Variants in TSNARE1 observed in about 807,000 individuals in gnomAD.
The protein encoded by TSNARE1 is t-SNARE domain-containing protein 1.
TSNARE1 carries 49 observed loss-of-function variants against 62.0 expected under a neutral mutation model. The observed-to-expected ratio is 0.79, with a 90% CI of 0.63 to 1.00. The LOEUF is 1.00. Among genes scored for constraint, TSNARE1 ranks in the 50% least tolerant of loss-of-function variants. TSNARE1 has a pLI of 0.00. For missense variants in TSNARE1, 755 were observed against 700.1 expected (o/e 1.08, Z -0.88); for synonymous variants, 328 against 294.4 (o/e 1.11, Z -1.17).
intron 13 of TSNARE1, among the ~76,000 whole-genome samples, chr8:142,222,121 T>G: frequency 9.3e-6 from 1 of 107,438 alleles, no homozygotes; most frequent in Non-Finnish European, 1.9e-5. Context: ...CATCCACTCA[T>G]TCACTCACTC....
intron 12 of TSNARE1, among the ~76,000 whole-genome samples, chr8:142,272,200 C>A (rs1017270012): frequency 1.3e-5 from 2 of 152,040 alleles, no homozygotes; most frequent in Non-Finnish European, 2.9e-5. Flanking sequence ...GTCTGTCCAT[C>A]CACCCAGCCA....
intron 13 of TSNARE1, among the ~76,000 whole-genome samples, chr8:142,223,313 C>CTCATTCACTCAT (rs1248245417): frequency 1.6e-5 from 1 of 62,800 alleles, no homozygotes; most frequent in Non-Finnish European, 3.7e-5. Flanking sequence ...CACTCATTCA[C>CTCATTCACTCAT]TCACTCATTC....
At chr8:142,310,971 C>A (rs1019547730) in intron 9 of TSNARE1, among the ~76,000 whole-genome samples, 1 of 152,058 alleles carries the variant, frequency 6.6e-6, no homozygotes, top group Non-Finnish European at 1.5e-5. Flanking sequence ...GCCTCAGCCT[C>A]CTGAGTAGCT....
chr8:142,325,454 C>A (rs1830062926), intron 6 of TSNARE1, among the ~76,000 whole-genome samples: 1 of 152,162 alleles, frequency 6.6e-6, no homozygotes, highest in Non-Finnish European at 1.5e-5. Context: ...GGAGACAGTG[C>A]AGGAGCCCAG....
chr8:142,365,896 A>C (rs1835514978), intron 1 of TSNARE1: 2 of 451,908 alleles, frequency 4.4e-6, no homozygotes, highest in Non-Finnish European at 8.9e-6. Context: ...CATGTAAATG[A>C]GTGAAGAGAC....
chr8:142,350,100 G>A (rs1373364511), intron 2 of TSNARE1, among the ~76,000 whole-genome samples: 2 of 119,842 alleles, frequency 1.7e-5, no homozygotes, highest in Non-Finnish European at 3.4e-5. Flanking sequence ...GGGCAGGCAG[G>A]GCAGGCAGGG....
intron 13 of TSNARE1, among the ~76,000 whole-genome samples, chr8:142,217,629 G>A (rs1255808477): frequency 9.2e-5 from 14 of 152,266 alleles, no homozygotes; most frequent in Non-Finnish European, 8.8e-5. Context: ...GGGAAACAGT[G>A]TGCATGCACC....
intron 1 of TSNARE1, among the ~76,000 whole-genome samples, chr8:142,380,275 G>A (rs1836640755): frequency 6.6e-6 from 1 of 152,208 alleles, no homozygotes; most frequent in Non-Finnish European, 1.5e-5. Context: ...TCCGCAGATG[G>A]ATGCAGAGCC....
intron 13 of TSNARE1, among the ~76,000 whole-genome samples, chr8:142,219,567 G>A (rs1816105398): frequency 6.6e-6 from 1 of 152,224 alleles, no homozygotes; most frequent in Non-Finnish European, 1.5e-5. Flanking sequence ...CCACAGGGAT[G>A]AGGTCTCCTG....
chr8:142,384,461 G>A (rs886536732), intron 1 of TSNARE1, among the ~76,000 whole-genome samples: 2 of 152,198 alleles, frequency 1.3e-5, no homozygotes, highest in African/African-American at 4.8e-5. Flanking sequence ...AAACAGTATG[G>A]TAGGGCATGA....
intron 10 of TSNARE1, among the ~76,000 whole-genome samples, chr8:142,289,373 G>T (rs1295542215): frequency 6.6e-6 from 1 of 152,162 alleles, no homozygotes; most frequent in Non-Finnish European, 1.5e-5. Flanking sequence ...GGGAAAGGAC[G>T]CTGAACTCAG....
chr8:142,329,939 C>T (rs1320334228), intron 6 of TSNARE1, among the ~76,000 whole-genome samples: 7 of 152,252 alleles, frequency 4.6e-5, no homozygotes, highest in African/African-American at 9.6e-5. Flanking sequence ...GGATTTTGAA[C>T]GGAGCCGCCG....
chr8:142,270,958 C>G, intron 12 of TSNARE1: 1 of 985,540 alleles, frequency 1.0e-6, no homozygotes, highest in Non-Finnish European at 1.2e-6. Context: ...CTTCCGGTCT[C>G]CTGGACTGGA....
intron 11 of TSNARE1, chr8:142,276,363 A>T: frequency 1.0e-6 from 1 of 985,448 alleles, no homozygotes; most frequent in Non-Finnish European, 1.2e-6. Flanking sequence ...CAGAGGTGTG[A>T]CGGATCCCCC....
At chr8:142,397,268 G>A (rs1837959179) in intron 1 of TSNARE1, among the ~76,000 whole-genome samples, 1 of 150,488 alleles carries the variant, frequency 6.6e-6, no homozygotes, top group Non-Finnish European at 1.5e-5. Flanking sequence ...ACAGGAGAGA[G>A]GCAGCTCCGC....
chr8:142,224,704 C>T (rs1816689332), intron 13 of TSNARE1, among the ~76,000 whole-genome samples: 1 of 147,408 alleles, frequency 6.8e-6, no homozygotes, highest in Non-Finnish European at 1.5e-5. Flanking sequence ...TGGGTTGTGG[C>T]TGTCAGAGCC....
intron 2 of TSNARE1, among the ~76,000 whole-genome samples, chr8:142,348,683 C>T (rs1586952674): frequency 6.8e-6 from 1 of 147,358 alleles, no homozygotes; most frequent in African/African-American, 2.5e-5. Flanking sequence ...CTGCCAAGGG[C>T]GTGTCGACAT....
intron 6 of TSNARE1, among the ~76,000 whole-genome samples, chr8:142,323,322 G>T (rs527679823): frequency 6.6e-6 from 1 of 152,352 alleles, no homozygotes; most frequent in South Asian, 2.1e-4. Context: ...GCAGCACGGG[G>T]GGCAGCACCA....
intron 4 of TSNARE1, among the ~76,000 whole-genome samples, chr8:142,343,299 C>T (rs1415700378): frequency 2.0e-5 from 3 of 152,298 alleles, no homozygotes; most frequent in East Asian, 3.9e-4. Context: ...CAAACCACGG[C>T]GCTGAAACCC....
Sources: allele counts gnomAD v4.1 joint callset (sites outside exome capture counted in the v4.1 genomes callset), GRCh38; gene constraint gnomAD v4.1.1; transcripts MANE v1.5; gene names NCBI Gene and HGNC (gene_info 2026-07-23, HGNC 2026-07-21).